The following DNER variants were observed in gnomAD, a reference collection of about 807,000 sequenced individuals.
DNER encodes delta/notch like EGF repeat containing.
DNER carries 33 observed loss-of-function variants against 78.2 expected under a neutral mutation model. The observed-to-expected ratio is 0.42, with a 90% CI of 0.32 to 0.56. The LOEUF is 0.56. Among genes scored for constraint, DNER ranks in the 20% least tolerant of loss-of-function variants. The pLI is 0.11. For synonymous variants in DNER, 417 were observed against 384.8 expected, an observed-to-expected ratio of 1.08 and a Z score of -0.98; for missense variants, 918 against 975.3, an observed-to-expected ratio of 0.94 and a Z score of 0.78.
chr2:229,518,967 T>A (rs946920117), intron 5 of DNER, among the ~76,000 whole-genome samples: 3 of 151,458 alleles, frequency 2.0e-5, no homozygotes, highest in African/African-American at 4.8e-5. Flanking sequence ...TTTTTTTTTT[T>A]ATTTTTGATT....
intron 11 of DNER, 46 bp downstream of exon 11, chr2:229,388,219 A>C: frequency 6.4e-7 from 1 of 1,558,114 alleles, no homozygotes; most frequent in South Asian, 1.2e-5. Context: ...CTTAAGTAAC[A>C]GCTATAAATG....
At chr2:229,367,604 A>G (rs1692380343) in intron 11 of DNER, among the ~76,000 whole-genome samples, 1 of 152,196 alleles carries the variant, frequency 6.6e-6, no homozygotes, top group Non-Finnish European at 1.5e-5. Flanking sequence ...CCATCAAACA[A>G]AAAAAGAAAA....
intron 8 of DNER, among the ~76,000 whole-genome samples, chr2:229,428,837 G>C (rs1260571298): frequency 2.6e-5 from 4 of 152,188 alleles, no homozygotes; most frequent in African/African-American, 9.6e-5. Flanking sequence ...CAGAAAAAGA[G>C]AGAGCAGGAT....
chr2:229,594,160 G>A (rs181320156), intron 1 of DNER, among the ~76,000 whole-genome samples: 33 of 152,272 alleles, frequency 2.2e-4, no homozygotes, highest in Admixed American at 2.1e-3. Flanking sequence ...CCCTTCCCAC[G>A]GTAACAGGCA....
intron 1 of DNER, among the ~76,000 whole-genome samples, chr2:229,658,569 A>G (rs1698951098): frequency 6.6e-6 from 1 of 152,226 alleles, no homozygotes; most frequent in Admixed American, 6.5e-5. Flanking sequence ...TTCATTCAGT[A>G]AGACTTTATT....
chr2:229,361,978 G>A (rs977311407), intron 12 of DNER, among the ~76,000 whole-genome samples: 17 of 152,110 alleles, frequency 1.1e-4, no homozygotes, highest in Non-Finnish European at 2.1e-4. Flanking sequence ...CATGGCCCAC[G>A]ACATGACCAC....
At chr2:229,694,413 A>G (rs981126186) in intron 1 of DNER, among the ~76,000 whole-genome samples, 3 of 152,178 alleles carry the variant, frequency 2.0e-5, no homozygotes, top group African/African-American at 7.2e-5. Context: ...TGGTAGACCC[A>G]CTAACAGCTT....
chr2:229,457,026 C>T (rs1694590267), intron 7 of DNER, among the ~76,000 whole-genome samples: 2 of 151,972 alleles, frequency 1.3e-5, no homozygotes, highest in African/African-American at 4.8e-5. Context: ...CTTTAAGGCA[C>T]TGGAAAAATA....
chr2:229,387,515 GAAAGAAAGAAAGAAAGAA>G (rs1692906320), intron 11 of DNER, among the ~76,000 whole-genome samples: 3 of 73,580 alleles, frequency 4.1e-5, no homozygotes, highest in Non-Finnish European at 5.6e-5. Flanking sequence ...AAGAGAGAAA[GAAAGAAAGAAAGAAAGAA>G]AGAAAGAAAG....
chr2:229,402,290 T>C (rs184089188), intron 10 of DNER, among the ~76,000 whole-genome samples: 3 of 152,296 alleles, frequency 2.0e-5, no homozygotes, highest in African/African-American at 2.4e-5. Flanking sequence ...TTGAAATCAA[T>C]AGTATGACAA....
At chr2:229,526,333 C>A (rs1379430407) in intron 5 of DNER, among the ~76,000 whole-genome samples, 1 of 152,142 alleles carries the variant, frequency 6.6e-6, no homozygotes, top group Admixed American at 6.5e-5. Context: ...GTTAACGTAT[C>A]ATATTTTAAC....
At chr2:229,535,749 C>T (rs1215544360) in intron 5 of DNER, among the ~76,000 whole-genome samples, 3 of 151,974 alleles carry the variant, frequency 2.0e-5, no homozygotes, top group Admixed American at 1.3e-4. Context: ...GTTCCAGCGA[C>T]TCTCCTGCCT....
chr2:229,583,071 C>G (rs1209517357), intron 4 of DNER, among the ~76,000 whole-genome samples: 1 of 152,030 alleles, frequency 6.6e-6, no homozygotes, highest in African/African-American at 2.4e-5. Context: ...TTCTTCTATC[C>G]CAAAAGAATA....
At chr2:229,360,755 T>C (rs1464906995) in intron 12 of DNER, among the ~76,000 whole-genome samples, 1 of 152,204 alleles carries the variant, frequency 6.6e-6, no homozygotes, top group Non-Finnish European at 1.5e-5. Flanking sequence ...GTGAGCCACA[T>C]GGCCACCTAT....
rs576346402 is a variant in DNER, at chr2:229,395,551, C to G, written c.1724-7155G>C. 4.6e-5 allele frequency among the ~76,000 whole-genome samples: 7 copies of G among 152,288 alleles called. No homozygotes were observed. The East Asian group carries it at 1.4e-3, about 30-fold the overall frequency. On this transcript the variant is annotated intron_variant, in intron 10 of 12. Transcript: ENST00000341772. The stretch of plus-strand genomic sequence containing the variant: ...GGTTTTGAGGGATCTAAATATTCTG[C>G]CTTTTTGCTGTACCTGCTCAAGTGT...
intron 5 of DNER, among the ~76,000 whole-genome samples, chr2:229,533,781 G>T (rs1696351707): frequency 6.6e-6 from 1 of 152,172 alleles, no homozygotes; most frequent in South Asian, 2.1e-4. Context: ...TCTCTCAAAT[G>T]AACAAAGTGA....
In DNER at chr2:229,597,863, A is replaced by G. The variant is rs545692517; in HGVS notation, c.277-5975T>C. On this transcript the variant is annotated intron_variant, in intron 1 of 12. Coordinates refer to ENST00000341772, the MANE Select transcript of DNER (RefSeq NM_139072.4). ...TTAGACTTTTCACCCGTGTCAAATAATGTCTACTCTAACCAAGAGCAGTTC... is the reference window on the plus strand; with the variant it reads ...TTAGACTTTTCACCCGTGTCAAATAGTGTCTACTCTAACCAAGAGCAGTTC... Among the ~76,000 whole-genome samples the G allele has an allele frequency of 2.4e-3, 373 of 152,326 alleles. 2 individuals carry two copies. The highest frequency in any genetic ancestry group is 4.2e-3 in the Non-Finnish European group (283 of 68,018).
chr2:229,637,726 C>T (rs187029525), intron 1 of DNER, among the ~76,000 whole-genome samples: 22 of 152,200 alleles, frequency 1.4e-4, no homozygotes, highest in Admixed American at 9.2e-4. Context: ...AAATCAAGTG[C>T]GTTTTTTTTC....
At chr2:229,492,470 C>T (rs1191890793) in intron 6 of DNER, among the ~76,000 whole-genome samples, 1 of 152,128 alleles carries the variant, frequency 6.6e-6, no homozygotes, top group Non-Finnish European at 1.5e-5. Context: ...ATTCACAGAC[C>T]ATTAATATGT....
Sources: allele counts gnomAD v4.1 joint callset (sites outside exome capture counted in the v4.1 genomes callset), GRCh38; gene constraint gnomAD v4.1.1; transcripts MANE v1.5; gene names NCBI Gene and HGNC (gene_info 2026-07-23, HGNC 2026-07-21).